The following EXOC6B variants were observed in gnomAD, a reference collection of about 807,000 sequenced individuals.
EXOC6B encodes the protein exocyst complex component 6B.
Under a neutral mutation model 113.5 loss-of-function variants are expected in EXOC6B, and 54 were observed. The observed-to-expected ratio is 0.48, with a 90% CI of 0.38 to 0.60. The LOEUF (loss-of-function observed/expected upper bound fraction) is 0.60. Among genes scored for constraint, EXOC6B ranks in the 20% least tolerant of loss-of-function variants. The pLI is 0.00. For missense variants in EXOC6B, 797 were observed against 977.5 expected (o/e 0.82, Z 2.46); for synonymous variants, 357 against 339.0 (o/e 1.05, Z -0.58).
At chr2:72,373,194 G>C (rs1318502734) in intron 19 of EXOC6B, among the ~76,000 whole-genome samples, 1 of 151,148 alleles carries the variant, frequency 6.6e-6, no homozygotes, top group Non-Finnish European at 1.5e-5. Context: ...TCAGCCTCTC[G>C]AGTAGCTGGG....
intron 1 of EXOC6B, among the ~76,000 whole-genome samples, chr2:72,787,176 A>G (rs899086428): frequency 7.2e-5 from 11 of 151,740 alleles, no homozygotes; most frequent in African/African-American, 1.9e-4. Flanking sequence ...AGTCATCTCA[A>G]TCCCCAGGGT....
intron 19 of EXOC6B, among the ~76,000 whole-genome samples, chr2:72,336,242 A>C (rs909749276): frequency 6.6e-5 from 10 of 152,192 alleles, no homozygotes; most frequent in African/African-American, 2.4e-4. Flanking sequence ...CTTCTTTTGC[A>C]ATCAATAAAA....
intron 20 of EXOC6B, among the ~76,000 whole-genome samples, chr2:72,248,309 T>G (rs1682796287): frequency 6.6e-6 from 1 of 152,212 alleles, no homozygotes. Context: ...GAAGAAGGGA[T>G]CTAGGTGTGA....
intron 1 of EXOC6B, among the ~76,000 whole-genome samples, chr2:72,763,398 C>T (rs1379820191): frequency 6.6e-6 from 1 of 151,282 alleles, no homozygotes; most frequent in South Asian, 2.1e-4. Flanking sequence ...TTCCTGTTTT[C>T]CAGAGAAAGT....
intron 19 of EXOC6B, among the ~76,000 whole-genome samples, chr2:72,353,349 G>GTTGTATTGTATTGTATTGTA (rs371125530): frequency 7.7e-5 from 11 of 142,360 alleles, no homozygotes; most frequent in African/African-American, 2.9e-4. Flanking sequence ...TTTATATTTT[G>GTTGTATTGTATTGTATTGTA]TTGTATTGTA....
intron 20 of EXOC6B, among the ~76,000 whole-genome samples, chr2:72,206,894 T>C (rs1236520924): frequency 6.6e-6 from 1 of 152,120 alleles, no homozygotes; most frequent in Non-Finnish European, 1.5e-5. Context: ...ACATATGCTT[T>C]TTGCAAAAAA....
intron 6 of EXOC6B, among the ~76,000 whole-genome samples, chr2:72,635,023 A>G (rs143505042): frequency 3.5e-4 from 54 of 152,138 alleles, no homozygotes; most frequent in African/African-American, 1.3e-3. Context: ...ACTGAATGAA[A>G]GTGAAAATAA....
chr2:72,685,405 G>T (rs1292690572), intron 6 of EXOC6B, among the ~76,000 whole-genome samples: 1 of 152,280 alleles, frequency 6.6e-6, no homozygotes, highest in Admixed American at 6.5e-5. Context: ...GGGGTCAAAA[G>T]TGGTAAATTA....
chr2:72,180,607 G>A (rs1044551793), intron 21 of EXOC6B, among the ~76,000 whole-genome samples: 1 of 152,188 alleles, frequency 6.6e-6, no homozygotes, highest in Non-Finnish European at 1.5e-5. Context: ...GCTGTATGGA[G>A]ACAGGCTAGA....
intron 1 of EXOC6B, among the ~76,000 whole-genome samples, chr2:72,778,708 T>G (rs1683854737): frequency 6.6e-6 from 1 of 152,162 alleles, no homozygotes; most frequent in African/African-American, 2.4e-5. Context: ...GACTAAGATT[T>G]GCTATTAGTC....
chr2:72,397,718 A>T (rs1464503815), intron 18 of EXOC6B, among the ~76,000 whole-genome samples: 1 of 151,842 alleles, frequency 6.6e-6, no homozygotes, highest in Non-Finnish European at 1.5e-5. Flanking sequence ...GATACTACTG[A>T]CACCTAATAA....
In EXOC6B at chr2:72,603,543, A is replaced by C. The variant is rs529804377; in HGVS notation, c.670-27875T>G. Among the ~76,000 whole-genome samples, 7 of 152,298 alleles carry C rather than the reference A, an allele frequency of 4.6e-5. No individual in the cohort carries two copies. In the South Asian group the frequency reaches 1.2e-3, roughly 27 times the overall value. On this transcript the variant is annotated intron_variant, in intron 6 of 21. Coordinates refer to ENST00000272427, the MANE Select transcript of EXOC6B (RefSeq NM_015189.3). Reference sequence around the variant, plus strand: ...AACAGAGCAATCCCAGAAGTATTCCAACAGAGCTGACCCTCCTGGTTCCTA... The same window carrying C: ...AACAGAGCAATCCCAGAAGTATTCCCACAGAGCTGACCCTCCTGGTTCCTA...
At chr2:72,646,104 A>G (rs1395940146) in intron 6 of EXOC6B, among the ~76,000 whole-genome samples, 21 of 152,218 alleles carry the variant, frequency 1.4e-4, no homozygotes, top group Non-Finnish European at 1.3e-4. Flanking sequence ...AAAATGATAA[A>G]GGGGATACCA....
At chr2:72,364,229 AG>A (rs1425668697) in intron 19 of EXOC6B, among the ~76,000 whole-genome samples, 2 of 152,032 alleles carry the variant, frequency 1.3e-5, no homozygotes, top group Admixed American at 6.6e-5. Context: ...AAAAAAAATG[AG>A]GGGGGTGGTA....
intron 20 of EXOC6B, among the ~76,000 whole-genome samples, chr2:72,296,087 T>C (rs182512201): frequency 5.3e-4 from 81 of 152,150 alleles, no homozygotes; most frequent in African/African-American, 1.8e-3. Flanking sequence ...TGAACATGTA[T>C]GTCTCAATTT....
At chr2:72,413,366 G>A (rs1306824663) in intron 18 of EXOC6B, among the ~76,000 whole-genome samples, 1 of 151,884 alleles carries the variant, frequency 6.6e-6, no homozygotes, top group Non-Finnish European at 1.5e-5. Flanking sequence ...GTCTGGTATA[G>A]GGCCTGAAAT....
intron 18 of EXOC6B, among the ~76,000 whole-genome samples, chr2:72,382,125 A>C (rs1441305680): frequency 6.6e-6 from 1 of 152,216 alleles, no homozygotes; most frequent in Non-Finnish European, 1.5e-5. Context: ...GAGAAAAGTC[A>C]CATCATAAAA....
intron 19 of EXOC6B, among the ~76,000 whole-genome samples, chr2:72,348,668 TC>T (rs1689473819): frequency 6.6e-6 from 1 of 152,138 alleles, no homozygotes; most frequent in East Asian, 1.9e-4. Context: ...TGCCTCAGTT[TC>T]CCCAGCCAAT....
chr2:72,514,670 A>G lies in EXOC6B; in HGVS notation c.1010T>C (p.Leu337Ser). The G allele has an allele frequency of 6.8e-7, 1 of 1,462,566 alleles. No homozygotes were observed. 90.6% of individuals were successfully genotyped at this position (1,462,566 alleles called of 1,614,324 possible). A position where few individuals can be genotyped will look rare whatever the true frequency, so the allele number is the denominator to read the frequency against. Residue 337 changes from leucine (L) to serine (S), a missense_variant, in exon 10 of 22, where the codon TTA (leucine) becomes TCA (serine). Leu to Ser is a moderately radical substitution (Grantham distance 145). Coordinates refer to ENST00000272427, the MANE Select transcript of EXOC6B (RefSeq NM_015189.3). Reference sequence around the variant, plus strand: ...ATTAAAATACTTCCTGTAGCCATCTAAAGTTTCATGCTGCAACAAAGCAAA... The same window carrying G: ...ATTAAAATACTTCCTGTAGCCATCTGAAGTTTCATGCTGCAACAAAGCAAA... ...LQPPSNMHET[L>S]DGYRKYFNQI...
Sources: gnomAD v4.1 joint callset for allele counts (sites outside exome capture counted in the v4.1 genomes callset) on GRCh38, gnomAD v4.1.1 for gene constraint, MANE v1.5 for transcripts, NCBI Gene and HGNC (gene_info 2026-07-23, HGNC 2026-07-21) for gene names.